The following ATL1 variants were observed in gnomAD, a reference collection of about 807,000 sequenced individuals.
The protein encoded by ATL1 is atlastin-1.
A neutral mutation model predicts 75.5 loss-of-function variants in ATL1; 31 were observed. The observed-to-expected ratio is 0.41, with a 90% CI of 0.31 to 0.55. The LOEUF (loss-of-function observed/expected upper bound fraction) is 0.55. Among genes scored for constraint, ATL1 ranks in the 20% least tolerant of loss-of-function variants. ATL1 has a pLI of 0.27. For synonymous variants in ATL1, 226 were observed against 233.3 expected, an observed-to-expected ratio of 0.97 and a Z score of 0.28; for missense variants, 405 against 662.6, an observed-to-expected ratio of 0.61 and a Z score of 4.27.
intron 11 of ATL1, among the ~76,000 whole-genome samples, chr14:50,624,010 G>T (rs1434638595): frequency 6.6e-6 from 1 of 152,164 alleles, no homozygotes; most frequent in Non-Finnish European, 1.5e-5. Context: ...AGCTGAGATT[G>T]TGCCACTGCA....
In ATL1 at chr14:50,614,441, T is replaced by G; in HGVS notation, c.792T>G (p.Ile264Met). 6.2e-7 allele frequency: 1 copy of G among 1,614,004 alleles called. No homozygotes were observed. Among genetic ancestry groups the G allele is most frequent in the Non-Finnish European group, 8.5e-7 (1 of 1,179,922 alleles). The change falls in exon 8 of 14, where the codon ATT (isoleucine) becomes ATG (methionine). Residue 264 changes from isoleucine (I) to methionine (M), a missense_variant. This residue lies in a region of ATL1 where 59 missense variants were observed against 161.4 expected (regional missense o/e 0.37). Transcript: ENST00000358385. ...RKHIHSCFTN[I>M]SCFLLPHPGL... is the part of the protein sequence containing the mutation. ...ACATCCATTCCTGTTTCACCAACAT[T>G]TCCTGTTTTCTGCTACCTCATCCTG...
Position 50,620,691 on chromosome 14 carries a change from A to C in ATL1, c.955A>C (p.Lys319Gln). The change falls in exon 9 of 14, where the codon AAA becomes CAA. Residue 319 changes from lysine to glutamine, a missense_variant. By Grantham distance (53) the Lys-to-Gln change is moderately conservative (BLOSUM62 1). Coordinates refer to ENST00000358385, the MANE Select transcript of ATL1 (RefSeq NM_015915.5). ...AGATATTAAAGAGATCAATGGGAAT[A>C]AAATCACCTGCCGGGGTCTGGTGGA... The part of the protein sequence containing the change: ...SLDIKEINGN[K>Q]ITCRGLVEYF... The C allele has an allele frequency of 6.2e-7, 1 of 1,613,818 alleles. No individual in the cohort carries two copies. Among genetic ancestry groups the C allele is most frequent in the Non-Finnish European group, 8.5e-7 (1 of 1,179,774 alleles).
In ATL1 at chr14:50,631,503, G is replaced by C. The variant is rs2039580819; in HGVS notation, c.1567-726G>C. On this transcript the variant is annotated intron_variant, in intron 13 of 13. Coordinates refer to ENST00000358385, the MANE Select transcript of ATL1 (RefSeq NM_015915.5). ...AGTCAGAGGAGGGGATGAAATCTTA[G>C]ACACTAGCTAACGGGGCCAGGAAAC... Among the ~76,000 whole-genome samples the C allele has an allele frequency of 2.0e-5, 3 of 152,254 alleles. No individual in the cohort carries two copies. In the South Asian group the frequency reaches 6.2e-4, roughly 32 times the overall value.
chr14:50,540,736 T>C (rs1003864855), intron 1 of ATL1, among the ~76,000 whole-genome samples: 2 of 152,204 alleles, frequency 1.3e-5, no homozygotes, highest in Non-Finnish European at 2.9e-5. Context: ...AGTATAGATA[T>C]ATTGAGTAGC....
chr14:50,549,042 G>C (rs1481857223), intron 1 of ATL1, among the ~76,000 whole-genome samples: 1 of 152,058 alleles, frequency 6.6e-6, no homozygotes, highest in Non-Finnish European at 1.5e-5. Context: ...ACAACAAAGG[G>C]GTGCCCTGTG....
intron 5 of ATL1, 56 bp from the exon 6 acceptor site, chr14:50,595,520 C>T (rs1595603253): frequency 5.2e-5 from 1 of 19,228 alleles, no homozygotes; most frequent in East Asian, 3.8e-3. Flanking sequence ...TGCTAAAGTT[C>T]TCTCTCTCTC....
intron 6 of ATL1, among the ~76,000 whole-genome samples, chr14:50,607,513 T>C (rs1425535761): frequency 6.6e-6 from 1 of 152,040 alleles, no homozygotes; most frequent in African/African-American, 2.4e-5. Context: ...TTTGACTACT[T>C]GACTGACTTT....
Position 50,587,925 on chromosome 14 carries a change from C to T in ATL1, c.129C>T (p.Asp43=), listed in dbSNP as rs17850684. ...GPVQVLIVKD[D]HSFELDETAL... ...TCCAAGTCCTCATTGTCAAAGATGA[C>T]CATTCCTTTGAGTTAGATGAAACTG... is the stretch of plus-strand genomic sequence containing the variant. Residue 43 remains aspartate (D), a synonymous_variant, in exon 2 of 14, where the codon GAC becomes GAT. Transcript: ENST00000358385. The T allele has an allele frequency of 6.2e-7, 1 of 1,613,910 alleles. No individual in the cohort carries two copies. Among genetic ancestry groups the T allele is most frequent in the Non-Finnish European group, 8.5e-7 (1 of 1,180,010 alleles).
chr14:50,539,568 A>G (rs968450516), intron 1 of ATL1, among the ~76,000 whole-genome samples: 5 of 152,244 alleles, frequency 3.3e-5, no homozygotes. Flanking sequence ...AAGTAAGGGC[A>G]CTGGTGGAGA....
At chr14:50,591,463 A>G (rs756910684) in intron 3 of ATL1, 72 bp from the exon 4 acceptor site, 5 of 1,005,706 alleles carry the variant, frequency 5.0e-6, no homozygotes, top group African/African-American at 1.6e-5. Flanking sequence ...TAGTTCTTAT[A>G]TTAATATTAT....
rs1391019575 is a variant in ATL1, at chr14:50,584,469, C to T, written c.35-3362C>T. ...CTGTAATCCCAGCACTTTGGGAGGC[C>T]GAGGCGGGCAGATCACGAGGTCAGG... On this transcript the variant is annotated intron_variant, in intron 1 of 13. Coordinates refer to ENST00000358385, the MANE Select transcript of ATL1 (RefSeq NM_015915.5). 2.6e-5 allele frequency among the ~76,000 whole-genome samples: 4 copies of T among 151,960 alleles called. No individual in the cohort carries two copies. The South Asian group carries it at 6.2e-4, about 24-fold the overall frequency.
chr14:50,574,444 T>C (rs1053157213), intron 1 of ATL1, among the ~76,000 whole-genome samples: 6 of 152,208 alleles, frequency 3.9e-5, no homozygotes, highest in Non-Finnish European at 5.9e-5. Flanking sequence ...CTCTGCAATA[T>C]AGAGAACAGC....
At chr14:50,543,021 G>C (rs957799223) in intron 1 of ATL1, among the ~76,000 whole-genome samples, 26 of 152,336 alleles carry the variant, frequency 1.7e-4, no homozygotes, top group African/African-American at 6.0e-4. Flanking sequence ...AAATTGCCCA[G>C]AATGTGAAAA....
intron 6 of ATL1, among the ~76,000 whole-genome samples, chr14:50,601,676 A>G (rs1162591591): frequency 6.6e-6 from 1 of 152,228 alleles, no homozygotes; most frequent in East Asian, 1.9e-4. Context: ...TCTAAGTGAC[A>G]TTAGTTATTT....
intron 1 of ATL1, among the ~76,000 whole-genome samples, chr14:50,546,906 C>G (rs1329625228): frequency 6.6e-6 from 1 of 151,972 alleles, no homozygotes; most frequent in Non-Finnish European, 1.5e-5. Flanking sequence ...GTTACATAGG[C>G]ATACACGTGC....
intron 12 of ATL1, chr14:50,628,722 C>CT: frequency 5.6e-6 from 3 of 535,818 alleles, no homozygotes; most frequent in Non-Finnish European, 7.0e-6. Flanking sequence ...ACTTTTTTTT[C>CT]TTTTTTTGGG....
intron 5 of ATL1, among the ~76,000 whole-genome samples, 179 bp downstream of exon 5, chr14:50,594,075 G>T (rs2039189394): frequency 6.6e-6 from 1 of 152,212 alleles, no homozygotes; most frequent in Non-Finnish European, 1.5e-5. Flanking sequence ...ATAAAGGAAA[G>T]AGGTTTAATT....
intron 1 of ATL1, among the ~76,000 whole-genome samples, chr14:50,563,365 G>A (rs1184614083): frequency 6.6e-6 from 1 of 152,154 alleles, no homozygotes; most frequent in African/African-American, 2.4e-5. Flanking sequence ...GGGGTGGGGT[G>A]TGAAGATAAT....
chr14:50,594,478 CACAG>C (rs985380266), intron 5 of ATL1, among the ~76,000 whole-genome samples: 19 of 152,128 alleles, frequency 1.2e-4, no homozygotes, highest in South Asian at 2.1e-4. Context: ...CATTGCAAGT[CACAG>C]ACATTTAAAA....
Sources: gnomAD v4.1 joint callset for allele counts (sites outside exome capture counted in the v4.1 genomes callset) on GRCh38, gnomAD v4.1.1 for gene constraint, gnomAD v4.1.1 regional missense constraint, MANE v1.5 for transcripts, NCBI Gene and HGNC (gene_info 2026-07-23, HGNC 2026-07-21) for gene names.